The following BTN2A2 variants were observed in gnomAD, a reference collection of about 807,000 sequenced individuals.
The protein encoded by BTN2A2 is butyrophilin 2.
BTN2A2 carries 29 observed loss-of-function variants against 34.7 expected under a neutral mutation model. The ratio of observed to expected loss-of-function variants is 0.84; its 90% CI spans 0.62 to 1.14. BTN2A2 has a LOEUF of 1.14. Among genes scored for constraint, BTN2A2 ranks in the 50% most tolerant of loss-of-function variants. The probability of loss-of-function intolerance (pLI) is 0.00; values close to 1 mark genes in which losing one functional copy is unlikely to be tolerated. For synonymous variants in BTN2A2, 240 were observed against 253.1 expected (o/e 0.95, Z 0.49); for missense variants, 612 against 651.5 (o/e 0.94, Z 0.66).
At chr6:26,385,552 CTT>C (rs757053830) in intron 3 of BTN2A2, 190 bp downstream of exon 3, 8,059 of 414,758 alleles carry the variant, frequency 0.019, no homozygotes, top group Middle Eastern at 0.025. Context: ...GGTTTCACTT[CTT>C]TTTTTTTTTT....
At chr6:26,388,422 G>C in intron 4 of BTN2A2, 128 bp downstream of exon 4, 2 of 1,119,278 alleles carry the variant, frequency 1.8e-6, no homozygotes, top group South Asian at 1.5e-5. Context: ...GCTGGAGGCT[G>C]CAGCTGAGTT....
At position 26,384,135 on chromosome 6, in the gene BTN2A2, TTTTATTTATTTG is replaced by T. The variant is rs1761036784; in HGVS notation, c.94+232_94+243del. Among the ~76,000 whole-genome samples the T allele has an allele frequency of 6.6e-6, 1 of 152,136 alleles. No homozygotes were observed. The highest frequency in any genetic ancestry group is 1.5e-5 in the Non-Finnish European group (1 of 68,026). On this transcript the variant is annotated intron_variant, in intron 2 of 7. Transcript: ENST00000356709. This position sits in a 1 kb window ranked among gnomAD's most constrained non-coding sequence, Gnocchi z 4.0. Reference sequence around the variant, plus strand: ...AATCTTCAAAAAGATTTTTTTAACTTTTTATTTATTTGTTTATTTATTTAAGAGAGAGTATAT... The same window carrying T: ...AATCTTCAAAAAGATTTTTTTAACTTTTTATTTATTTAAGAGAGAGTATAT...
Position 26,390,119 on chromosome 6 carries a change from C to T in BTN2A2, c.839C>T (p.Ala280Val), listed in dbSNP as rs965950772. ...CTGGCTGTTTTCATCATCTTCATGG[C>T]TGTCAGCATCTGTTGCATCAAGAAA... ...VILAVFIIFM[A>V]VSICCIKKLQ... The change falls in exon 5 of 8, where the codon GCT becomes GTT. Residue 280 changes from alanine (A) to valine (V), a missense_variant. By Grantham distance (64) the Ala-to-Val change is moderately conservative. Transcript: ENST00000356709. 6.8e-6 allele frequency: 11 copies of T among 1,613,960 alleles called. No homozygotes were observed. The African/African-American group carries it at 1.3e-4, about 20-fold the overall frequency.
chr6:26,388,827 A>C (rs1761378305), intron 4 of BTN2A2, among the ~76,000 whole-genome samples: 1 of 152,248 alleles, frequency 6.6e-6, no homozygotes, highest in African/African-American at 2.4e-5. Flanking sequence ...TTCATATTCT[A>C]GAGAGAGACA....
chr6:26,389,376 C>T (rs1005531573), intron 4 of BTN2A2, among the ~76,000 whole-genome samples: 2 of 152,094 alleles, frequency 1.3e-5, no homozygotes, highest in African/African-American at 2.4e-5. Context: ...AAGGACTGAG[C>T]AGCCAAGGTA....
intron 3 of BTN2A2, 190 bp downstream of exon 3, chr6:26,385,552 C>CTTT: frequency 1.1e-4 from 49 of 427,796 alleles, no homozygotes; most frequent in East Asian, 1.8e-4. Context: ...GGTTTCACTT[C>CTTT]TTTTTTTTTT....
chr6:26,384,717 T>G lies in BTN2A2; in HGVS notation c.95-298T>G, dbSNP rs191068025. ...ACTACACTCAGGCACAGTGCTAGAT[T>G]GCAAAATGGAGGAAAATCTCAGGGG... On this transcript the variant is annotated intron_variant, in intron 2 of 7. Coordinates refer to ENST00000356709, the MANE Select transcript of BTN2A2 (RefSeq NM_006995.5). This position sits in a 1 kb window ranked among gnomAD's most constrained non-coding sequence, Gnocchi z 4.0. Among the ~76,000 whole-genome samples, 31 of 152,296 alleles carry G rather than the reference T, an allele frequency of 2.0e-4. No homozygotes were observed. The East Asian group carries it at 6.0e-3, about 29-fold the overall frequency.
Position 26,383,958 on chromosome 6 carries a change from A to C in BTN2A2, c.94+43A>C. 4 of 1,579,502 alleles carry C rather than the reference A, an allele frequency of 2.5e-6. No homozygotes were observed. Among genetic ancestry groups the C allele is most frequent in the Non-Finnish European group, 3.5e-6 (4 of 1,148,664 alleles). ...TTGCTGCTGTCACCTCTCAGAAAGG[A>C]ACATCAACCCTGTAGTCTGCAAAGG... On this transcript the variant is annotated intron_variant, in intron 2 of 7. Coordinates refer to ENST00000356709, the MANE Select transcript of BTN2A2 (RefSeq NM_006995.5). This position sits in a 1 kb window ranked among gnomAD's most constrained non-coding sequence, Gnocchi z 4.4.
chr6:26,389,223 C>T (rs577786356), intron 4 of BTN2A2, among the ~76,000 whole-genome samples: 3 of 152,114 alleles, frequency 2.0e-5, no homozygotes, highest in Non-Finnish European at 2.9e-5. Context: ...CACATGGTGA[C>T]GAGCATGTAG....
At chr6:26,386,429 C>A (rs1298968760) in intron 3 of BTN2A2, among the ~76,000 whole-genome samples, 2 of 152,214 alleles carry the variant, frequency 1.3e-5, no homozygotes, top group Non-Finnish European at 1.5e-5. Flanking sequence ...GAGGCAAGGA[C>A]TAGGAAATTG....
At chr6:26,391,384 G>A (rs1247070142) in intron 7 of BTN2A2, 2 of 159,114 alleles carry the variant, frequency 1.3e-5, no homozygotes, top group African/African-American at 4.8e-5. Context: ...GTGAGTGGGA[G>A]AGCACAGAGA....
In BTN2A2 at chr6:26,388,196, C is replaced by T; in HGVS notation, c.626C>T (p.Thr209Ile). The change falls in exon 4 of 8, where the codon ACA becomes ATA. Residue 209 changes from threonine to isoleucine, a missense_variant. Transcript: ENST00000356709. ...ADADGLFMVT[T>I]AVIIRDKYVR... is the part of the protein sequence containing the mutation. Reference sequence around the variant, plus strand: ...GCTGACGGCCTCTTCATGGTCACCACAGCTGTGATCATCAGAGACAAGTAT... The same window carrying T: ...GCTGACGGCCTCTTCATGGTCACCATAGCTGTGATCATCAGAGACAAGTAT... 7 of 1,614,194 alleles carry T rather than the reference C, an allele frequency of 4.3e-6. No individual in the cohort carries two copies. The Middle Eastern group carries it at 4.9e-4, about 114-fold the overall frequency.
At position 26,383,684 on chromosome 6, in the gene BTN2A2, A is replaced by G. The variant is rs977442232; in HGVS notation, c.-30-108A>G. On this transcript the variant is annotated intron_variant, in intron 1 of 7. Coordinates refer to ENST00000356709, the MANE Select transcript of BTN2A2 (RefSeq NM_006995.5). The surrounding 1 kb of genome is among the most constrained non-coding windows in gnomAD (Gnocchi z 4.4). ...GAGCCTTGAGATGCAAGCGACTCCC[A>G]GAAGTTGGGGCACCGATGAGACCTA... The G allele has an allele frequency of 1.2e-6, 1 of 804,142 alleles. No homozygotes were observed. The highest frequency in any genetic ancestry group is 1.7e-5 in the African/African-American group (1 of 58,044). 49.8% of individuals were successfully genotyped at this position (804,142 alleles called of 1,614,324 possible). A position where few individuals can be genotyped will look rare whatever the true frequency, so the allele number is the denominator to read the frequency against.
intron 4 of BTN2A2, 97 bp downstream of exon 4, chr6:26,388,391 A>C: frequency 6.9e-7 from 1 of 1,448,002 alleles, no homozygotes; most frequent in Non-Finnish European, 9.5e-7. Flanking sequence ...GTGTGGGTGG[A>C]ATGGTCCTGG....
In BTN2A2 at chr6:26,392,980, G is replaced by A. The variant is rs759500474; in HGVS notation, c.*13G>A. The A allele has an allele frequency of 6.2e-7, 1 of 1,613,992 alleles. No individual in the cohort carries two copies. The highest frequency in any genetic ancestry group is 2.2e-5 in the East Asian group (1 of 44,866). ...CCAGAGCCTATAGAATCAATTCCTT[G>A]GACTCACAGCCATGCAGATAAGCCC... On this transcript the variant is annotated 3_prime_UTR_variant, in exon 8 of 8. Coordinates refer to ENST00000356709, the MANE Select transcript of BTN2A2 (RefSeq NM_006995.5).
At chr6:26,390,880 G>C in intron 7 of BTN2A2, 51 bp downstream of exon 7, 1 of 1,612,914 alleles carries the variant, frequency 6.2e-7, no homozygotes, top group Non-Finnish European at 8.5e-7. Flanking sequence ...CCACTAGCCA[G>C]CTAACAGGAC....
Position 26,383,670 on chromosome 6 carries a change from T to C in BTN2A2, c.-30-122T>C, listed in dbSNP as rs575430309. On this transcript the variant is annotated intron_variant, in intron 1 of 7. Coordinates refer to ENST00000356709, the MANE Select transcript of BTN2A2 (RefSeq NM_006995.5). The surrounding 1 kb of genome is among the most constrained non-coding windows in gnomAD (Gnocchi z 4.4). ...TTTCGGAGATACCTGAGCCTTGAGA[T>C]GCAAGCGACTCCCAGAAGTTGGGGC... 1.4e-6 allele frequency: 1 copy of C among 728,718 alleles called. No homozygotes were observed. Among genetic ancestry groups the C allele is most frequent in the African/African-American group, 1.8e-5 (1 of 56,926 alleles). 45.1% of individuals were successfully genotyped at this position (728,718 alleles called of 1,614,324 possible).
chr6:26,393,739 A>C lies in BTN2A2; in HGVS notation c.*772A>C, dbSNP rs77055120. 14,395 of 987,054 alleles carry C rather than the reference A, an allele frequency of 0.015. 114 individuals are homozygous for C. The highest frequency in any genetic ancestry group is 0.031 in the Middle Eastern group (60 of 1,914). 61.1% of individuals were successfully genotyped at this position (987,054 alleles called of 1,614,324 possible). ...CAGGTCTACGTCAGCATTCAGGTTC[A>C]ATGGGGACACCAGTGGCTTCAAACT... On this transcript the variant is annotated 3_prime_UTR_variant, in exon 8 of 8. Transcript: ENST00000356709.
At position 26,385,180 on chromosome 6, in the gene BTN2A2, A is replaced by T; in HGVS notation, c.260A>T (p.Glu87Val). 6.2e-7 allele frequency: 1 copy of T among 1,613,946 alleles called. No individual in the cohort carries two copies. The highest frequency in any genetic ancestry group is 8.5e-7 in the Non-Finnish European group (1 of 1,179,928). The stretch of plus-strand genomic sequence containing the variant: ...GTGTTTGTGTATAAGGGTGGGAGAG[A>T]GAGAACAGAGGAGCAGATGGAGGAG... The part of the protein sequence containing the change: ...PAVFVYKGGR[E>V]RTEEQMEEYR... Residue 87 changes from glutamate to valine, a missense_variant, in exon 3 of 8, where the codon GAG (glutamate) becomes GTG (valine). By Grantham distance (121) the Glu-to-Val change is moderately radical. Transcript: ENST00000356709.
Sources: gnomAD v4.1 joint callset for allele counts (sites outside exome capture counted in the v4.1 genomes callset) on GRCh38, gnomAD v4.1.1 for gene constraint, Gnocchi (gnomAD v3.1) non-coding constraint, MANE v1.5 for transcripts, NCBI Gene and HGNC (gene_info 2026-07-23, HGNC 2026-07-21) for gene names.